The following SCTR variants were observed in gnomAD, a reference collection of about 807,000 sequenced individuals.
SCTR encodes secretin receptor.
SCTR carries 56 observed loss-of-function variants against 60.8 expected under a neutral mutation model. That is an observed-to-expected ratio of 0.92 (90% confidence interval 0.74 to 1.15). The LOEUF is 1.15. SCTR is among the 50% of genes most tolerant of loss of function. The pLI, the probability that SCTR is intolerant of heterozygous loss-of-function variation, is 0.00. For synonymous variants in SCTR, 202 were observed against 217.0 expected, an observed-to-expected ratio of 0.93 and a Z score of 0.61; for missense variants, 562 against 550.4, an observed-to-expected ratio of 1.02 and a Z score of -0.21.
intron 1 of SCTR, among the ~76,000 whole-genome samples, chr2:119,518,675 G>A (rs967595971): frequency 6.6e-5 from 10 of 152,226 alleles, no homozygotes; most frequent in African/African-American, 2.4e-4. Flanking sequence ...TTGAGCTGCA[G>A]GTTGTCCCGA....
intron 7 of SCTR, among the ~76,000 whole-genome samples, chr2:119,457,170 A>G (rs1052042328): frequency 6.6e-6 from 1 of 152,224 alleles, no homozygotes; most frequent in African/African-American, 2.4e-5. Flanking sequence ...TTTGGAAAAT[A>G]AATAGCATTG....
intron 1 of SCTR, among the ~76,000 whole-genome samples, chr2:119,497,806 C>A (rs2104910162): frequency 6.6e-6 from 1 of 152,138 alleles, no homozygotes; most frequent in South Asian, 2.1e-4. Flanking sequence ...GAAGATAGAA[C>A]ACTAGAAATT....
intron 2 of SCTR, among the ~76,000 whole-genome samples, chr2:119,481,701 C>A (rs1677612093): frequency 6.6e-6 from 1 of 152,204 alleles, no homozygotes; most frequent in African/African-American, 2.4e-5. Flanking sequence ...CACCACCAGG[C>A]AGAGAGCCCA....
chr2:119,500,535 T>A (rs1035076802), intron 1 of SCTR, among the ~76,000 whole-genome samples: 6 of 152,222 alleles, frequency 3.9e-5, no homozygotes, highest in African/African-American at 1.2e-4. Flanking sequence ...GGAATATTAT[T>A]CAGCCATAAA....
intron 1 of SCTR, among the ~76,000 whole-genome samples, chr2:119,504,603 TTAAAAA>T (rs1021867343): frequency 1.3e-4 from 19 of 151,224 alleles, no homozygotes; most frequent in African/African-American, 4.6e-4. Context: ...AAAATAAAAA[TTAAAAA>T]TAAATAAATA....
chr2:119,519,173 G>A (rs182381440), intron 1 of SCTR, among the ~76,000 whole-genome samples: 6 of 151,934 alleles, frequency 3.9e-5, no homozygotes, highest in African/African-American at 7.2e-5. Context: ...CATGTTGGTC[G>A]GACTGGTCTC....
At chr2:119,494,817 A>T (rs144475114) in intron 1 of SCTR, among the ~76,000 whole-genome samples, 154 of 152,354 alleles carry the variant, frequency 1.0e-3, no homozygotes, top group African/African-American at 3.4e-3. Context: ...TCCTGAGCCC[A>T]ACAAGCTGTT....
intron 3 of SCTR, among the ~76,000 whole-genome samples, chr2:119,478,140 G>A (rs185881841): frequency 1.3e-5 from 2 of 152,278 alleles, no homozygotes; most frequent in Non-Finnish European, 2.9e-5. Context: ...CAGGAAAGAG[G>A]GGCAGCTGCA....
intron 1 of SCTR, among the ~76,000 whole-genome samples, chr2:119,515,416 T>C (rs1281469253): frequency 3.9e-5 from 6 of 152,222 alleles, no homozygotes; most frequent in Non-Finnish European, 8.8e-5. Flanking sequence ...ACTGCATAGT[T>C]GGTAAAACAC....
chr2:119,520,349 A>T (rs1679251095), intron 1 of SCTR, among the ~76,000 whole-genome samples: 1 of 152,154 alleles, frequency 6.6e-6, no homozygotes, highest in South Asian at 2.1e-4. Context: ...AAATTAAAAA[A>T]TTAGATGGGG....
At chr2:119,501,707 T>A (rs1678557519) in intron 1 of SCTR, among the ~76,000 whole-genome samples, 1 of 152,182 alleles carries the variant, frequency 6.6e-6, no homozygotes, top group Non-Finnish European at 1.5e-5. Flanking sequence ...ACATATTGTA[T>A]ACCTGCATCG....
chr2:119,477,851 G>A (rs1228204005), intron 3 of SCTR, among the ~76,000 whole-genome samples: 1 of 152,204 alleles, frequency 6.6e-6, no homozygotes, highest in African/African-American at 2.4e-5. Context: ...TTGGAGGAGC[G>A]GGTTTCAAGC....
chr2:119,513,207 G>A (rs985287254), intron 1 of SCTR, among the ~76,000 whole-genome samples: 1 of 152,202 alleles, frequency 6.6e-6, no homozygotes, highest in Non-Finnish European at 1.5e-5. Flanking sequence ...TTTCCATACA[G>A]CTATCACTTC....
intron 12 of SCTR, 118 bp downstream of exon 12, chr2:119,441,440 G>GA (rs1174105142): frequency 1.3e-6 from 1 of 775,972 alleles, no homozygotes; most frequent in Non-Finnish European, 2.2e-6. Context: ...CCAGACCCAG[G>GA]ACTCCCTCTG....
At chr2:119,464,028 T>C in intron 6 of SCTR, 95 bp downstream of exon 6, 3 of 1,345,502 alleles carry the variant, frequency 2.2e-6, no homozygotes, top group Middle Eastern at 1.9e-4. Flanking sequence ...CAGCAGGGGC[T>C]TGGGGGAAGG....
chr2:119,506,898 G>A (rs993671549), intron 1 of SCTR, among the ~76,000 whole-genome samples: 25 of 152,148 alleles, frequency 1.6e-4, no homozygotes, highest in Non-Finnish European at 5.9e-5. Flanking sequence ...ACCATGAAGG[G>A]CCCTTGTGAT....
At chr2:119,451,983 C>T in intron 9 of SCTR, 27 bp downstream of exon 9, 1 of 1,460,684 alleles carries the variant, frequency 6.8e-7, no homozygotes, top group South Asian at 1.2e-5. Context: ...CCACTGATCC[C>T]CAGCTAGGGA....
intron 3 of SCTR, among the ~76,000 whole-genome samples, chr2:119,477,184 A>G (rs1487611097): frequency 6.6e-6 from 1 of 152,128 alleles, no homozygotes; most frequent in Non-Finnish European, 1.5e-5. Flanking sequence ...GCTAAAAGAC[A>G]TTTCCCCAGG....
At chr2:119,469,377 G>T (rs1035250333) in intron 4 of SCTR, among the ~76,000 whole-genome samples, 3 of 152,110 alleles carry the variant, frequency 2.0e-5, no homozygotes, top group African/African-American at 7.2e-5. Context: ...CAGGTGACCA[G>T]CCCGCTTCTC....
Sources: gnomAD v4.1 joint callset for allele counts (sites outside exome capture counted in the v4.1 genomes callset) on GRCh38, gnomAD v4.1.1 for gene constraint, MANE v1.5 for transcripts, NCBI Gene and HGNC (gene_info 2026-07-23, HGNC 2026-07-21) for gene names.